The following EIF2S2 variants were observed in gnomAD, a reference collection of about 807,000 sequenced individuals.
The protein encoded by EIF2S2 is eukaryotic translation initiation factor 2 subunit 2.
Under a neutral mutation model 44.0 loss-of-function variants are expected in EIF2S2, and 4 were observed. The ratio of observed to expected loss-of-function variants is 0.09; its 90% CI spans 0.04 to 0.21. The LOEUF (loss-of-function observed/expected upper bound fraction) is 0.21. Among genes scored for constraint, EIF2S2 ranks in the 10% least tolerant of loss-of-function variants. The pLI is 1.00. For synonymous variants in EIF2S2, 108 were observed against 128.3 expected (o/e 0.84, Z 1.07); for missense variants, 154 against 392.0 (o/e 0.39, Z 5.13).
chr20:34,089,372 G>C lies in EIF2S2; in HGVS notation c.*358C>G. 4.9e-6 allele frequency: 1 copy of C among 205,006 alleles called. No homozygotes were observed. 12.7% of individuals were successfully genotyped at this position (205,006 alleles called of 1,614,324 possible). A position where few individuals can be genotyped will look rare whatever the true frequency, so the allele number is the denominator to read the frequency against. On this transcript the variant is annotated 3_prime_UTR_variant, in exon 9 of 9. Transcript: ENST00000374980. ...CGGCACACACTGTTTTATATGGTTG[G>C]TTTCTTGCTGATTTCACCAAGCACA...
In EIF2S2 at chr20:34,090,502, G is replaced by C; in HGVS notation, c.826+15C>G. 1 of 1,438,912 alleles carries C rather than the reference G, an allele frequency of 6.9e-7. No individual in the cohort carries two copies. Among genetic ancestry groups the C allele is most frequent in the Non-Finnish European group, 9.4e-7 (1 of 1,061,904 alleles). The allele number at this position is 1,438,912 out of a possible 1,614,324, so 89.1% of individuals were successfully genotyped here. A position where few individuals can be genotyped will look rare whatever the true frequency, so the allele number is the denominator to read the frequency against. On this transcript the variant is annotated intron_variant, in intron 8 of 8. Coordinates refer to ENST00000374980, the MANE Select transcript of EIF2S2 (RefSeq NM_003908.5). ...ACATTTCAGGGTGATCTAATGAAATGAATTATACACTTACTGATATATCTT... is the reference window on the plus strand; with the variant it reads ...ACATTTCAGGGTGATCTAATGAAATCAATTATACACTTACTGATATATCTT...
chr20:34,109,482 C>CAA (rs1253652721), intron 1 of EIF2S2, among the ~76,000 whole-genome samples: 1 of 151,904 alleles, frequency 6.6e-6, no homozygotes, highest in East Asian at 1.9e-4. Context: ...GGCAACAAAG[C>CAA]AAGACCTCAT....
chr20:34,100,037 CTGAG>C (rs1331436200), intron 3 of EIF2S2, among the ~76,000 whole-genome samples: 1 of 152,186 alleles, frequency 6.6e-6, no homozygotes, highest in Non-Finnish European at 1.5e-5. Flanking sequence ...TATTTTGAGA[CTGAG>C]TATCACTCTG....
intron 1 of EIF2S2, among the ~76,000 whole-genome samples, chr20:34,111,228 C>CTT (rs914456034): frequency 1.3e-5 from 2 of 152,188 alleles, no homozygotes; most frequent in African/African-American, 4.8e-5. Flanking sequence ...TCGACCATTC[C>CTT]TTTGCCCTTG....
chr20:34,111,961 G>T (rs1316600435), intron 1 of EIF2S2, 135 bp downstream of exon 1: 10 of 1,053,258 alleles, frequency 9.5e-6, no homozygotes, highest in Non-Finnish European at 1.2e-5. Flanking sequence ...CGGCTCTGCC[G>T]CTCCGGGCCG....
chr20:34,092,573 C>A (rs2034179244), intron 7 of EIF2S2, among the ~76,000 whole-genome samples: 1 of 152,172 alleles, frequency 6.6e-6, no homozygotes, highest in African/African-American at 2.4e-5. Context: ...GAGGCTGAGG[C>A]AGGAGAATGG....
In EIF2S2 at chr20:34,105,448, G is replaced by A; in HGVS notation, c.113C>T (p.Pro38Leu). The A allele has an allele frequency of 6.2e-7, 1 of 1,614,028 alleles. No homozygotes were observed. Among genetic ancestry groups the A allele is most frequent in the Non-Finnish European group, 8.5e-7 (1 of 1,179,974 alleles). Residue 38 changes from proline to leucine, a missense_variant, in exon 2 of 9, where the codon CCT becomes CTT. By Grantham distance (98) the Pro-to-Leu change is moderately conservative (BLOSUM62 -3). Coordinates refer to ENST00000374980, the MANE Select transcript of EIF2S2 (RefSeq NM_003908.5). ...TGGCTCCACTTCTTTTGTTTCTGAA[G>A]GCTGGGTTTCCTCTGTTTGGGTATC... ...EGDTQTEETQ[P>L]SETKEVEPEP...
chr20:34,096,106 A>ATC (rs2034225480), intron 6 of EIF2S2, among the ~76,000 whole-genome samples: 1 of 152,154 alleles, frequency 6.6e-6, no homozygotes, highest in Non-Finnish European at 1.5e-5. Context: ...TCCTAGAGCA[A>ATC]CTGATGAGCC....
chr20:34,091,778 G>T (rs74983564), intron 7 of EIF2S2, among the ~76,000 whole-genome samples: 11,193 of 85,740 alleles, frequency 0.13, 1,843 homozygotes, highest in African/African-American at 0.38. Context: ...TATTTTTTTG[G>T]GGGGGGGGGG....
intron 1 of EIF2S2, among the ~76,000 whole-genome samples, chr20:34,109,899 T>G (rs1172234454): frequency 6.7e-6 from 1 of 149,250 alleles, no homozygotes; most frequent in Admixed American, 6.7e-5. Context: ...GGTCAGGAGT[T>G]CAAGACCAAC....
At chr20:34,099,139 G>A (rs1482416984) in intron 3 of EIF2S2, among the ~76,000 whole-genome samples, 1 of 152,170 alleles carries the variant, frequency 6.6e-6, no homozygotes. Context: ...GGACGTCGAG[G>A]CAGGTGGATC....
rs1375603703 is a variant in EIF2S2, at chr20:34,096,580, A to G, written c.683+77T>C. The G allele has an allele frequency of 2.0e-5, 28 of 1,418,922 alleles. No homozygotes were observed. In the East Asian group the frequency reaches 5.7e-4, roughly 29 times the overall value. The allele number at this position is 1,418,922 out of a possible 1,614,324, so 87.9% of individuals were successfully genotyped here. On this transcript the variant is annotated intron_variant, in intron 6 of 8. Coordinates refer to ENST00000374980, the MANE Select transcript of EIF2S2 (RefSeq NM_003908.5). ...CTTTCCATCTATAATAAAGTCGACAATAAGGACATTTAACATTCTTAAAAC... is the reference window on the plus strand; with the variant it reads ...CTTTCCATCTATAATAAAGTCGACAGTAAGGACATTTAACATTCTTAAAAC...
chr20:34,098,439 G>T (rs2034257243), intron 4 of EIF2S2, 59 bp downstream of exon 4: 2 of 1,588,286 alleles, frequency 1.3e-6, no homozygotes, highest in South Asian at 1.1e-5. Flanking sequence ...CCCCATCAAG[G>T]AGACCAGGGC....
In EIF2S2 at chr20:34,088,463, G is replaced by A. The variant is rs1443323462; in HGVS notation, c.*1267C>T. The A allele has an allele frequency of 6.5e-6, 1 of 152,706 alleles. No homozygotes were observed. The highest frequency in any genetic ancestry group is 2.4e-5 in the African/African-American group (1 of 41,466). The allele number at this position is 152,706 out of a possible 1,614,324, so 9.5% of individuals were successfully genotyped here. ...GGCAGTTTCAGCCAGTGTGTGGGTT[G>A]AGGGCCCTCTACTGCTTTACCCATC... On this transcript the variant is annotated 3_prime_UTR_variant, in exon 9 of 9. Transcript: ENST00000374980.
chr20:34,097,369 G>T, intron 5 of EIF2S2, 47 bp downstream of exon 5: 1 of 1,459,108 alleles, frequency 6.9e-7, no homozygotes. Flanking sequence ...TCTTCTTTGA[G>T]CACTAGTGAA....
intron 7 of EIF2S2, among the ~76,000 whole-genome samples, chr20:34,091,765 A>AT (rs2034166682): frequency 2.1e-5 from 1 of 46,600 alleles, no homozygotes; most frequent in Non-Finnish European, 3.8e-5. Flanking sequence ...ATTTATATAT[A>AT]TTTATTTTTT....
At chr20:34,104,623 T>A (rs1436984889) in intron 2 of EIF2S2, among the ~76,000 whole-genome samples, 1 of 152,244 alleles carries the variant, frequency 6.6e-6, no homozygotes, top group Non-Finnish European at 1.5e-5. Flanking sequence ...TCAGTGAAAT[T>A]TTACCTACCA....
intron 6 of EIF2S2, among the ~76,000 whole-genome samples, chr20:34,094,132 T>A (rs1395570232): frequency 6.6e-6 from 1 of 152,192 alleles, no homozygotes; most frequent in African/African-American, 2.4e-5. Context: ...TCTCAAATGA[T>A]CCTCCTGTCT....
chr20:34,094,734 AT>A (rs2034207629), intron 6 of EIF2S2, among the ~76,000 whole-genome samples: 2 of 152,096 alleles, frequency 1.3e-5, no homozygotes, highest in Non-Finnish European at 2.9e-5. Context: ...ACATACACAT[AT>A]AAAATAAAAA....
Sources: allele counts gnomAD v4.1 joint callset (sites outside exome capture counted in the v4.1 genomes callset), GRCh38; gene constraint gnomAD v4.1.1; transcripts MANE v1.5; gene names NCBI Gene and HGNC (gene_info 2026-07-23, HGNC 2026-07-21).